Variants in PRMT8 observed in about 807,000 individuals in gnomAD.
The protein encoded by PRMT8 is protein arginine N-methyltransferase 8.
A neutral mutation model predicts 47.1 loss-of-function variants in PRMT8; 7 were observed. The ratio of observed to expected loss-of-function variants is 0.15; its 90% CI spans 0.08 to 0.28. PRMT8 has a LOEUF of 0.28. Ranked by LOEUF, PRMT8 falls within the 10% of genes least tolerant of loss-of-function variation. The pLI is 1.00. For synonymous variants in PRMT8, 188 were observed against 186.5 expected (o/e 1.01, Z -0.07); for missense variants, 237 against 505.4 (o/e 0.47, Z 5.09).
chr12:3,516,296 C>G (rs549063906), intron 1 of PRMT8, among the ~76,000 whole-genome samples: 3 of 152,178 alleles, frequency 2.0e-5, no homozygotes, highest in Non-Finnish European at 4.4e-5. Context: ...CTGGTCCCCT[C>G]TTGGTGATTT....
chr12:3,471,782 A>G (rs113817543), intron 1 of PRMT8, among the ~76,000 whole-genome samples: 12,473 of 151,970 alleles, frequency 0.082, 560 homozygotes, highest in Non-Finnish European at 0.1. Flanking sequence ...ATGCTGGGCC[A>G]CCAAGACACA....
chr12:3,390,826 G>C (rs985089020), intron 1 of PRMT8, among the ~76,000 whole-genome samples: 2 of 152,228 alleles, frequency 1.3e-5, no homozygotes, highest in Non-Finnish European at 2.9e-5. Context: ...CATAAGGTCA[G>C]GGAACAGGCA....
chr12:3,536,267 T>C (rs58181065), intron 1 of PRMT8, among the ~76,000 whole-genome samples: 7,711 of 152,294 alleles, frequency 0.051, 358 homozygotes, highest in African/African-American at 0.12. Flanking sequence ...GGAGAGGGTA[T>C]GCCTGTCAGC....
chr12:3,387,408 T>A (rs1864152742), intron 1 of PRMT8, among the ~76,000 whole-genome samples: 1 of 152,218 alleles, frequency 6.6e-6, no homozygotes, highest in Non-Finnish European at 1.5e-5. Flanking sequence ...TACTTTATCA[T>A]CCTCTCAGCA....
intron 1 of PRMT8, among the ~76,000 whole-genome samples, chr12:3,470,937 T>C (rs1865155272): frequency 6.6e-6 from 1 of 152,310 alleles, no homozygotes; most frequent in Non-Finnish European, 1.5e-5. Flanking sequence ...ACAGGCTTAA[T>C]GGGACGACTC....
intron 4 of PRMT8, among the ~76,000 whole-genome samples, chr12:3,556,641 A>G (rs960689370): frequency 6.6e-6 from 1 of 152,234 alleles, no homozygotes; most frequent in Non-Finnish European, 1.5e-5. Context: ...AGTAGCTGTA[A>G]AGGAAGGTGG....
chr12:3,550,109 T>A lies in PRMT8; in HGVS notation c.417+18T>A. 6.2e-7 allele frequency: 1 copy of A among 1,611,822 alleles called. No homozygotes were observed. The highest frequency in any genetic ancestry group is 8.5e-7 in the Non-Finnish European group (1 of 1,178,768). On this transcript the variant is annotated intron_variant, in intron 3 of 9. Coordinates refer to ENST00000382622, the MANE Select transcript of PRMT8 (RefSeq NM_019854.5). This position sits in a 1 kb window ranked among gnomAD's most constrained non-coding sequence, Gnocchi z 5.1. ...TGTTTGGGGTGAGCACGCCGCTTCC[T>A]CCTGCATGCTGGCTTCCACAGAGCC...
At chr12:3,585,345 CTTTTT>C (rs71061123) in intron 8 of PRMT8, among the ~76,000 whole-genome samples, 96 of 45,788 alleles carry the variant, frequency 2.1e-3, no homozygotes, top group Non-Finnish European at 3.2e-3. Context: ...GAAAATGATG[CTTTTT>C]TTTTTTTTTT....
intron 1 of PRMT8, among the ~76,000 whole-genome samples, chr12:3,521,600 G>A (rs1227664006): frequency 2.0e-5 from 3 of 152,040 alleles, no homozygotes; most frequent in Non-Finnish European, 4.4e-5. Flanking sequence ...AAGAATTACG[G>A]GTGTACGGGA....
intron 4 of PRMT8, among the ~76,000 whole-genome samples, chr12:3,560,978 T>G (rs1866626640): frequency 2.0e-5 from 3 of 152,120 alleles, no homozygotes; most frequent in Admixed American, 6.5e-5. Context: ...TCATTTCAGG[T>G]GTAAGGTTCT....
intron 1 of PRMT8, among the ~76,000 whole-genome samples, chr12:3,533,679 G>A (rs745993338): frequency 1.3e-5 from 2 of 152,170 alleles, no homozygotes; most frequent in African/African-American, 4.8e-5. Context: ...TGCCAGCCCC[G>A]ATGATAAGAC....
intron 1 of PRMT8, among the ~76,000 whole-genome samples, chr12:3,444,606 T>A (rs1864837916): frequency 6.6e-6 from 1 of 152,254 alleles, no homozygotes; most frequent in Non-Finnish European, 1.5e-5. Context: ...CAAGTCTATA[T>A]GACAGGTGAA....
At chr12:3,573,269 G>C (rs1866882534) in intron 6 of PRMT8, among the ~76,000 whole-genome samples, 1 of 151,906 alleles carries the variant, frequency 6.6e-6, no homozygotes, top group African/African-American at 2.4e-5. Context: ...CTGTTAATAA[G>C]TTCATTTTAA....
At position 3,569,551 on chromosome 12, in the gene PRMT8, C is replaced by A. The variant is rs992247909; in HGVS notation, c.699C>A (p.Asp233Glu). Residue 233 changes from aspartate (D) to glutamate (E), a missense_variant, in exon 6 of 10, where the codon GAC becomes GAA. By Grantham distance (45) the Asp-to-Glu change is conservative. This residue lies in a region of PRMT8 where 151 missense variants were observed against 341.1 expected (regional missense o/e 0.44). Transcript: ENST00000382622. The surrounding 1 kb of genome is among the most constrained non-coding windows in gnomAD (Gnocchi z 8.2). ...CGATTGAAGACAGACAGTACAAGGA[C>A]TTCAAAATCCACTGTAAGTCCCCTC... ...VVAIEDRQYKDFKIHWWENVY... is the reference protein window; with the variant it reads ...VVAIEDRQYKEFKIHWWENVY... The A allele has an allele frequency of 8.1e-6, 13 of 1,613,968 alleles. No homozygotes were observed. Among genetic ancestry groups the A allele is most frequent in the Admixed American group, 3.3e-5 (2 of 60,004 alleles).
intron 1 of PRMT8, among the ~76,000 whole-genome samples, chr12:3,507,550 T>A (rs1051893287): frequency 6.6e-6 from 1 of 152,162 alleles, no homozygotes; most frequent in Non-Finnish European, 1.5e-5. Context: ...GGAGGCTCAG[T>A]CAAAGGATTC....
intron 1 of PRMT8, among the ~76,000 whole-genome samples, chr12:3,496,913 A>G (rs56335072): frequency 7.5e-6 from 1 of 133,812 alleles, no homozygotes; most frequent in African/African-American, 3.0e-5. Context: ...GAAGATACCC[A>G]ATTTTTTTTT....
intron 1 of PRMT8, among the ~76,000 whole-genome samples, chr12:3,525,667 T>G (rs1358163612): frequency 6.6e-6 from 1 of 152,206 alleles, no homozygotes; most frequent in Non-Finnish European, 1.5e-5. Flanking sequence ...ATATGACAAG[T>G]AAATGCTTAA....
At chr12:3,560,237 A>G (rs551754624) in intron 4 of PRMT8, among the ~76,000 whole-genome samples, 29 of 152,332 alleles carry the variant, frequency 1.9e-4, no homozygotes, top group Admixed American at 1.2e-3. Context: ...GAAATGCTGC[A>G]ACAGCCAGCC....
chr12:3,452,917 G>A (rs1271492957), intron 1 of PRMT8, among the ~76,000 whole-genome samples: 1 of 152,138 alleles, frequency 6.6e-6, no homozygotes, highest in Non-Finnish European at 1.5e-5. Context: ...AGGACAATTC[G>A]GCAAGTCCCA....
Sources: allele counts gnomAD v4.1 joint callset (sites outside exome capture counted in the v4.1 genomes callset), GRCh38; gene constraint gnomAD v4.1.1; regional missense constraint gnomAD v4.1.1; non-coding constraint Gnocchi (gnomAD v3.1); transcripts MANE v1.5; gene names NCBI Gene and HGNC (gene_info 2026-07-23, HGNC 2026-07-21).